KIF1C: variants seen among roughly 807,000 people sequenced by gnomAD.
The protein encoded by KIF1C is kinesin family member 1C.
A neutral mutation model predicts 126.5 loss-of-function variants in KIF1C; 61 were observed. The observed-to-expected ratio is 0.48, with a 90% CI of 0.39 to 0.60. KIF1C has a LOEUF of 0.60. KIF1C is among the 20% of genes least tolerant of loss of function. KIF1C has a pLI of 0.00. For missense variants in KIF1C, 1,315 were observed against 1,489.2 expected, an observed-to-expected ratio of 0.88 and a Z score of 1.93; for synonymous variants, 640 against 580.6, an observed-to-expected ratio of 1.10 and a Z score of -1.47.
chr17:5,014,050 G>T (rs376647), intron 17 of KIF1C: 1 of 332,372 alleles, frequency 3.0e-6, no homozygotes, highest in Non-Finnish European at 5.5e-6. Context: ...GGCCTTCCCT[G>T]GGGGCGGGAG....
In KIF1C at chr17:4,997,985, G is replaced by T. The variant is rs1236948290; in HGVS notation, c.-320G>T. 1 of 145,858 alleles carries T rather than the reference G, an allele frequency of 6.9e-6. No homozygotes were observed. The highest frequency in any genetic ancestry group is 1.5e-5 in the Non-Finnish European group (1 of 65,886). 9.0% of individuals were successfully genotyped at this position (145,858 alleles called of 1,614,324 possible). A position where few individuals can be genotyped will look rare whatever the true frequency, so the allele number is the denominator to read the frequency against. On this transcript the variant is annotated 5_prime_UTR_variant, in exon 1 of 23. Transcript: ENST00000320785. Reference sequence around the variant, plus strand: ...GCCCGGGCGGGCGCCGGCCGCTGGCGCCGCTACTGCTGCCGCCCCCGGGGC... The same window carrying T: ...GCCCGGGCGGGCGCCGGCCGCTGGCTCCGCTACTGCTGCCGCCCCCGGGGC...
chr17:5,000,043 G>A, intron 2 of KIF1C, 73 bp downstream of exon 2: 1 of 576,770 alleles, frequency 1.7e-6, no homozygotes, highest in Non-Finnish European at 3.1e-6. Flanking sequence ...ATACCTTTGG[G>A]AGTCTCTCAA....
At chr17:5,012,402 A>G (rs776372045) in intron 16 of KIF1C, among the ~76,000 whole-genome samples, 89 of 152,170 alleles carry the variant, frequency 5.8e-4, no homozygotes, top group South Asian at 1.0e-3. Flanking sequence ...TGTTGGGGAC[A>G]TTGGCAGTCA....
rs377151005 is a variant in KIF1C at position 5,020,634 on chromosome 17, G to T, written c.1893G>T (p.Leu631=). The change falls in exon 20 of 23, where the codon CTG becomes CTT. Residue 631 remains leucine, a synonymous_variant. Coordinates refer to ENST00000320785, the MANE Select transcript of KIF1C (RefSeq NM_006612.6). This position sits in a 1 kb window ranked among gnomAD's most constrained non-coding sequence, Gnocchi z 5.8. The part of the protein sequence containing the change: ...PVDWNFAQKE[L]LEQQGIDIKL... ...ACTGGAACTTTGCCCAGAAGGAACT[G>T]CTGGAGCAGCAAGGCATCGACATAA... The T allele has an allele frequency of 6.2e-6, 10 of 1,614,116 alleles. No individual in the cohort carries two copies. The highest frequency in any genetic ancestry group is 8.5e-6 in the Non-Finnish European group (10 of 1,180,026).
chr17:5,015,707 C>G (rs58674888), intron 18 of KIF1C, among the ~76,000 whole-genome samples: 5,369 of 149,208 alleles, frequency 0.036, 302 homozygotes, highest in African/African-American at 0.12. Context: ...AAGTGATTCT[C>G]TTGCCTCAAC....
In KIF1C at chr17:5,007,057, G is replaced by A. The variant is rs374643077; in HGVS notation, c.1308G>A (p.Gly436=). ...CCCCCAACACGGAGTCCCAGATTGGGCCTGAGGAAGCCATGGAGAGGCTGC... is the reference window on the plus strand; with the variant it reads ...CCCCCAACACGGAGTCCCAGATTGGACCTGAGGAAGCCATGGAGAGGCTGC... ...SFSPNTESQI[G]PEEAMERLQE... is the part of the protein sequence containing the mutation. Residue 436 remains glycine, a synonymous_variant, in exon 14 of 23, where the codon GGG becomes GGA. Coordinates refer to ENST00000320785, the MANE Select transcript of KIF1C (RefSeq NM_006612.6). 5.1e-5 allele frequency: 82 copies of A among 1,599,218 alleles called. No homozygotes were observed. The highest frequency in any genetic ancestry group is 6.8e-5 in the Non-Finnish European group (80 of 1,175,382).
rs972165173 is a variant in KIF1C, at chr17:5,000,866, G to A, written c.183+18G>A. The A allele has an allele frequency of 3.7e-6, 6 of 1,611,380 alleles. No homozygotes were observed. The highest frequency in any genetic ancestry group is 4.2e-6 in the Non-Finnish European group (5 of 1,177,634). The stretch of plus-strand genomic sequence containing the variant: ...ACACTTCGGTGGGTTGTTGGGCTGG[G>A]GGAAGAGCAAGGCAGTGAGAGACAG... On this transcript the variant is annotated intron_variant, in intron 4 of 22. Coordinates refer to ENST00000320785, the MANE Select transcript of KIF1C (RefSeq NM_006612.6).
In KIF1C at chr17:5,022,167, C is replaced by G; in HGVS notation, c.2086C>G (p.Arg696Gly). ...EESWRLISSL[R>G]EQLPPTTVQT... ...GAGCTGGAGGCTCATCTCCTCCTTGCGGGAGCAGCTGCCGCCCACCACGGT... is the reference window on the plus strand; with the variant it reads ...GAGCTGGAGGCTCATCTCCTCCTTGGGGGAGCAGCTGCCGCCCACCACGGT... The change falls in exon 22 of 23, where the codon CGG (arginine) becomes GGG (glycine). Residue 696 changes from arginine (R) to glycine (G), a missense_variant. This residue lies in a region of KIF1C where 874 missense variants were observed against 1,053.2 expected (regional missense o/e 0.83). Coordinates refer to ENST00000320785, the MANE Select transcript of KIF1C (RefSeq NM_006612.6). The surrounding 1 kb of genome is among the most constrained non-coding windows in gnomAD (Gnocchi z 4.9). The G allele has an allele frequency of 6.2e-7, 1 of 1,613,942 alleles. No homozygotes were observed. The highest frequency in any genetic ancestry group is 8.5e-7 in the Non-Finnish European group (1 of 1,179,928).
chr17:5,015,071 C>G (rs1023602760), intron 18 of KIF1C, among the ~76,000 whole-genome samples: 13 of 152,138 alleles, frequency 8.5e-5, no homozygotes, highest in Non-Finnish European at 1.5e-4. Context: ...CAGGCACTGG[C>G]GAGGGTTCTA....
intron 11 of KIF1C, 120 bp downstream of exon 11, chr17:5,004,193 C>T: frequency 1.2e-6 from 1 of 805,000 alleles, no homozygotes; most frequent in Non-Finnish European, 2.2e-6. Context: ...ACTTCTCCCC[C>T]TGACCCTTCA....
At chr17:4,999,515 T>C (rs1451849518) in intron 1 of KIF1C, among the ~76,000 whole-genome samples, 1 of 152,046 alleles carries the variant, frequency 6.6e-6, no homozygotes, top group Non-Finnish European at 1.5e-5. Flanking sequence ...CTTATTTCTC[T>C]AATTTTCTTG....
rs2143291723 is a variant in KIF1C at position 4,998,174 on chromosome 17, G to A, written c.-149+18G>A. On this transcript the variant is annotated intron_variant, in intron 1 of 22. Transcript: ENST00000320785. ...GCGCCGAGGTGAGGGCTGGGGAAGG[G>A]GGAGGGAAGGGACGCCCGCGGAGGA... 1 of 152,638 alleles carries A rather than the reference G, an allele frequency of 6.6e-6. No homozygotes were observed. The highest frequency in any genetic ancestry group is 1.5e-5 in the Non-Finnish European group (1 of 68,298). 9.5% of individuals were successfully genotyped at this position (152,638 alleles called of 1,614,324 possible). A position where few individuals can be genotyped will look rare whatever the true frequency, so the allele number is the denominator to read the frequency against.
At chr17:5,000,488 TG>T in intron 3 of KIF1C, 136 bp downstream of exon 3, 1 of 692,826 alleles carries the variant, frequency 1.4e-6, no homozygotes, top group Non-Finnish European at 2.5e-6. Flanking sequence ...GGGCGGGGGC[TG>T]GGGCAGGCTG....
Position 5,017,293 on chromosome 17 carries a change from CTTTTTTTTTTTTT to C in KIF1C, c.1666+2468_1666+2480del, listed in dbSNP as rs34140025. Among the ~76,000 whole-genome samples the C allele has an allele frequency of 1.4e-4, 12 of 85,210 alleles. 1 individual carries two copies. Among genetic ancestry groups the C allele is most frequent in the South Asian group, 4.0e-4 (1 of 2,496 alleles). 55.9% of individuals were successfully genotyped at this position (85,210 alleles called of 152,430 possible). ...GGTTTAGTCCCTGTGGGCCTTGGTT[CTTTTTTTTTTTTT>C]TTTTTTTTTTTGAGACGGAGTCTCG... On this transcript the variant is annotated intron_variant, in intron 18 of 22. Coordinates refer to ENST00000320785, the MANE Select transcript of KIF1C (RefSeq NM_006612.6).
Position 5,024,190 on chromosome 17 carries a change from G to A in KIF1C, c.*39G>A. The A allele has an allele frequency of 6.9e-7, 1 of 1,453,784 alleles. No individual in the cohort carries two copies. The highest frequency in any genetic ancestry group is 9.4e-7 in the Non-Finnish European group (1 of 1,062,098). 90.1% of individuals were successfully genotyped at this position (1,453,784 alleles called of 1,614,324 possible). ...GGCAGAGGGCCTGGTGGGGCCCCTT[G>A]CTAGGAGAAGGGAAGACGCCCGAGA... On this transcript the variant is annotated 3_prime_UTR_variant, in exon 23 of 23. Transcript: ENST00000320785.
rs346826 is a variant in KIF1C, at chr17:5,020,689, G to T, written c.1937+11G>T. 0.051 allele frequency: 81,470 copies of T among 1,612,486 alleles called. 2,845 individuals are homozygous for T. The highest frequency in any genetic ancestry group is 0.2 in the East Asian group (9,048 of 44,844). ...GGAAATGGAGAAGAGGTGCGAGGGG[G>T]TTACCCACGTGCCCCATGGCCGTCT... On this transcript the variant is annotated intron_variant, in intron 20 of 22. Coordinates refer to ENST00000320785, the MANE Select transcript of KIF1C (RefSeq NM_006612.6). This position sits in a 1 kb window ranked among gnomAD's most constrained non-coding sequence, Gnocchi z 5.8.
chr17:5,013,445 G>A (rs1974908413), intron 16 of KIF1C, among the ~76,000 whole-genome samples: 2 of 152,108 alleles, frequency 1.3e-5, no homozygotes, highest in Non-Finnish European at 1.5e-5. Context: ...CCTGAAGGCG[G>A]TTGGTGTGAG....
At chr17:5,007,177 A>C in intron 14 of KIF1C, 86 bp from the exon 15 acceptor site, 1 of 1,565,798 alleles carries the variant, frequency 6.4e-7, no homozygotes, top group South Asian at 1.1e-5. Context: ...GAATTCTAGG[A>C]GTAGCATGGC....
At chr17:5,001,427 C>T (rs1974589677) in intron 5 of KIF1C, 26 bp downstream of exon 5, 3 of 1,608,632 alleles carry the variant, frequency 1.9e-6, no homozygotes, top group African/African-American at 2.7e-5. Context: ...GGTGGGGCAG[C>T]CAGGGCAGGA....
Sources: gnomAD v4.1 joint callset for allele counts (sites outside exome capture counted in the v4.1 genomes callset) on GRCh38, gnomAD v4.1.1 for gene constraint, gnomAD v4.1.1 regional missense constraint, Gnocchi (gnomAD v3.1) non-coding constraint, MANE v1.5 for transcripts, NCBI Gene and HGNC (gene_info 2026-07-23, HGNC 2026-07-21) for gene names.